The following KMT2C variants were observed in gnomAD, a reference collection of about 807,000 sequenced individuals.
KMT2C encodes the protein histone-lysine N-methyltransferase 2C.
In KMT2C, 88 loss-of-function variants were observed where a neutral mutation model predicts 507.9. The ratio of observed to expected loss-of-function variants is 0.17; its 90% CI spans 0.15 to 0.21. The LOEUF (loss-of-function observed/expected upper bound fraction) is 0.21, where lower values mean the gene tolerates loss of function less well. Ranked by LOEUF, KMT2C falls within the 10% of genes least tolerant of loss-of-function variation. The pLI is 1.00. For missense variants in KMT2C, 4,954 were observed against 5,957.8 expected (o/e 0.83, Z 5.55); for synonymous variants, 2,049 against 2,080.8 (o/e 0.98, Z 0.42).
chr7:152,233,491 A>T lies in KMT2C; in HGVS notation c.2769+2326T>A, dbSNP rs192890821. 8.6e-3 allele frequency among the ~76,000 whole-genome samples: 1,305 copies of T among 152,280 alleles called. 21 individuals are homozygous for T. Among genetic ancestry groups the T allele is most frequent in the African/African-American group, 0.03 (1,259 of 41,560 alleles). ...ATCAAATTAAACTCAAAGTGAGAAG[A>T]TAGGAAAAAATAAAGATGATAATAA... On this transcript the variant is annotated intron_variant, in intron 16 of 58. Coordinates refer to ENST00000262189, the MANE Select transcript of KMT2C (RefSeq NM_170606.3).
At chr7:152,160,188 T>C in intron 43 of KMT2C, among the ~76,000 whole-genome samples, 1 of 152,108 alleles carries the variant, frequency 6.6e-6, no homozygotes, top group Non-Finnish European at 1.5e-5. Flanking sequence ...CATTTAAAAA[T>C]GTAAAAGCCA....
chr7:152,148,105 G>C lies in KMT2C; in HGVS notation c.13822C>G (p.Arg4608Gly). The C allele has an allele frequency of 6.2e-7, 1 of 1,610,748 alleles. No individual in the cohort carries two copies. The highest frequency in any genetic ancestry group is 8.5e-7 in the Non-Finnish European group (1 of 1,177,258). Reference protein sequence around the residue: ...YLCSIEEKDGRPVFVIRIVEQ... With the variant: ...YLCSIEEKDGGPVFVIRIVEQ... Reference sequence around the variant, plus strand: ...ACAATCCTGATGACAAACACTGGGCGCCCATCCTTCTCCTCAATGGAGCAC... The same window carrying C: ...ACAATCCTGATGACAAACACTGGGCCCCCATCCTTCTCCTCAATGGAGCAC... The change falls in exon 52 of 59, where the codon CGC (arginine) becomes GGC (glycine). Residue 4608 changes from arginine to glycine, a missense_variant. Transcript: ENST00000262189. This position sits in a 1 kb window ranked among gnomAD's most constrained non-coding sequence, Gnocchi z 7.1.
chr7:152,200,485 T>G lies in KMT2C; in HGVS notation c.4093-1026A>C, dbSNP rs541157485. Among the ~76,000 whole-genome samples, 40 of 152,244 alleles carry G rather than the reference T, an allele frequency of 2.6e-4. 1 individual carries two copies. The East Asian group carries it at 5.6e-3, about 21-fold the overall frequency. On this transcript the variant is annotated intron_variant, in intron 26 of 58. Coordinates refer to ENST00000262189, the MANE Select transcript of KMT2C (RefSeq NM_170606.3). ...AGCTCACGCCTGTAATCCCAGCATT[T>G]TGGGAGGCCGAGGTAGGTGGTTCAC...
At position 152,155,991 on chromosome 7, in the gene KMT2C, C is replaced by A; in HGVS notation, c.11879G>T (p.Arg3960Leu). ...TGTCTTGGGGCCCTGAGCAAGAGCT[C>A]GGGCCAACAAGTCGTCCTGGGGTCT... ...PFRPQDDLLA[R>L]ALAQGPKTVD... Residue 3960 changes from arginine to leucine, a missense_variant, in exon 46 of 59, where the codon CGA (arginine) becomes CTA (leucine). By Grantham distance (102) the Arg-to-Leu change is moderately radical (BLOSUM62 -2). Coordinates refer to ENST00000262189, the MANE Select transcript of KMT2C (RefSeq NM_170606.3). The A allele has an allele frequency of 1.2e-6, 2 of 1,610,378 alleles. No homozygotes were observed. Among genetic ancestry groups the A allele is most frequent in the Non-Finnish European group, 1.7e-6 (2 of 1,179,190 alleles).
chr7:152,235,551 G>A (rs1431135830), intron 16 of KMT2C, among the ~76,000 whole-genome samples: 1 of 151,748 alleles, frequency 6.6e-6, no homozygotes, highest in Non-Finnish European at 1.5e-5. Context: ...TTAAATAAAA[G>A]AGCAACTATA....
At chr7:152,214,269 T>C (rs1030514858) in intron 23 of KMT2C, among the ~76,000 whole-genome samples, 13 of 152,110 alleles carry the variant, frequency 8.5e-5, no homozygotes, top group Admixed American at 2.6e-4. Flanking sequence ...TGCACTCCCA[T>C]ATTCATGGCG....
chr7:152,180,512 G>C (rs1271614363), intron 36 of KMT2C, among the ~76,000 whole-genome samples, 199 bp downstream of exon 36: 2 of 152,102 alleles, frequency 1.3e-5, no homozygotes, highest in African/African-American at 2.4e-5. Context: ...CTGCGAATTC[G>C]TGAAAACTGA....
At chr7:152,189,004 T>TAC (rs1563322014) in intron 31 of KMT2C, among the ~76,000 whole-genome samples, 1 of 152,192 alleles carries the variant, frequency 6.6e-6, no homozygotes, top group African/African-American at 2.4e-5. Flanking sequence ...TAAAAATACA[T>TAC]ACACTCTGGT....
At chr7:152,354,824 G>A (rs2097140014) in intron 2 of KMT2C, among the ~76,000 whole-genome samples, 1 of 152,154 alleles carries the variant, frequency 6.6e-6, no homozygotes, top group South Asian at 2.1e-4. Flanking sequence ...CAGATCAATG[G>A]AGCCTGAAAA....
At chr7:152,290,368 T>C (rs2129186129) in intron 6 of KMT2C, among the ~76,000 whole-genome samples, 1 of 132,678 alleles carries the variant, frequency 7.5e-6, no homozygotes, top group East Asian at 2.7e-4. Flanking sequence ...TGGAGTGCAG[T>C]GGCACAATCT....
chr7:152,275,208 A>T (rs1206453300), intron 6 of KMT2C, among the ~76,000 whole-genome samples: 1 of 152,196 alleles, frequency 6.6e-6, no homozygotes, highest in Non-Finnish European at 1.5e-5. Context: ...TAACAAAGCT[A>T]AGTGACTCCT....
At chr7:152,355,039 T>C (rs766279142) in intron 2 of KMT2C, among the ~76,000 whole-genome samples, 4 of 152,166 alleles carry the variant, frequency 2.6e-5, no homozygotes, top group African/African-American at 7.2e-5. Flanking sequence ...TAGTGTGAAG[T>C]TCTGGAATAA....
In KMT2C at chr7:152,144,684, C is replaced by A. The variant is rs765412318; in HGVS notation, c.14343+29G>T. On this transcript the variant is annotated intron_variant, in intron 55 of 58. Transcript: ENST00000262189. This position sits in a 1 kb window ranked among gnomAD's most constrained non-coding sequence, Gnocchi z 4.4. ...ATTGCTAGACTCCACCCTGTCTCTCCACTTCCTGTACACAAAGTATTTCTT... is the reference window on the plus strand; with the variant it reads ...ATTGCTAGACTCCACCCTGTCTCTCAACTTCCTGTACACAAAGTATTTCTT... 6.3e-7 allele frequency: 1 copy of A among 1,598,106 alleles called. No individual in the cohort carries two copies. Among genetic ancestry groups the A allele is most frequent in the Non-Finnish European group, 8.6e-7 (1 of 1,168,188 alleles).
chr7:152,368,382 G>A (rs1322999628), intron 1 of KMT2C: 1 of 1,097,694 alleles, frequency 9.1e-7, no homozygotes, highest in Non-Finnish European at 1.4e-6. Context: ...AAGAAAGAAG[G>A]GAGTATGCAG....
At chr7:152,307,252 CGGTA>C (rs1476808218) in intron 6 of KMT2C, among the ~76,000 whole-genome samples, 3 of 51,224 alleles carry the variant, frequency 5.9e-5, no homozygotes, top group Admixed American at 2.2e-4. Flanking sequence ...GAAGGAAGGA[CGGTA>C]GGAAGGAAGG....
In KMT2C at chr7:152,177,274, C is replaced by A. The variant is rs2129114530; in HGVS notation, c.8179G>T (p.Gly2727Cys). 1 of 1,613,930 alleles carries A rather than the reference C, an allele frequency of 6.2e-7. No individual in the cohort carries two copies. The highest frequency in any genetic ancestry group is 1.1e-5 in the South Asian group (1 of 91,056). Reference sequence around the variant, plus strand: ...AAAGTATCCAATTCAACTACCTTGCCATCCTCTGTATCTAAATTTAAGTTT... The same window carrying A: ...AAAGTATCCAATTCAACTACCTTGCAATCCTCTGTATCTAAATTTAAGTTT... Reference protein sequence around the residue: ...LENLNLDTEDGKVVELDTLDN... With the variant: ...LENLNLDTEDCKVVELDTLDN... The change falls in exon 38 of 59, where the codon GGC becomes TGC. Residue 2727 changes from glycine to cysteine, a missense_variant. Physicochemically the swap from Gly to Cys is radical, Grantham distance 159. Coordinates refer to ENST00000262189, the MANE Select transcript of KMT2C (RefSeq NM_170606.3).
Position 152,177,729 on chromosome 7 carries a change from C to A in KMT2C, c.7724G>T (p.Ser2575Ile), listed in dbSNP as rs778238891. 1.2e-6 allele frequency: 2 copies of A among 1,614,086 alleles called. No individual in the cohort carries two copies. The highest frequency in any genetic ancestry group is 1.7e-6 in the Non-Finnish European group (2 of 1,180,022). Residue 2575 changes from serine (S) to isoleucine (I), a missense_variant, in exon 38 of 59, where the codon AGT (serine) becomes ATT (isoleucine). Physicochemically the swap from Ser to Ile is moderately radical, Grantham distance 142 (BLOSUM62 -2). Around this residue, in one of 29 missense-constraint regions of KMT2C, gnomAD observed 1,689 missense variants for 1,654.3 expected, o/e 1.02. Transcript: ENST00000262189. ...APDGRQRLPF[S>I]APPGSVVEAS... ...CTCTACAACGCTGCCAGGTGGAGCA[C>A]TGAAAGGCAGCCGTTGCCTTCCGTC...
intron 2 of KMT2C, among the ~76,000 whole-genome samples, chr7:152,338,687 T>C (rs192898739): frequency 5.4e-4 from 82 of 152,264 alleles, no homozygotes; most frequent in Admixed American, 5.3e-3. Context: ...ACAAAGCTAA[T>C]AGGAAACAAA....
chr7:152,136,566 AGAAAAG>A lies in KMT2C; in HGVS notation c.*260_*265del, dbSNP rs2089893668. The stretch of plus-strand genomic sequence containing the variant: ...AAAACAAAAAACAAACAAAAAAAAA[AGAAAAG>A]GAAAAGAAAAAAAAGCAAAAGTGCT... On this transcript the variant is annotated 3_prime_UTR_variant, in exon 59 of 59. Transcript: ENST00000262189. The A allele has an allele frequency of 2.7e-6, 1 of 375,140 alleles. No individual in the cohort carries two copies. The highest frequency in any genetic ancestry group is 4.8e-6 in the Non-Finnish European group (1 of 208,174). 23.2% of individuals were successfully genotyped at this position (375,140 alleles called of 1,614,324 possible).
Sources: gnomAD v4.1 joint callset for allele counts (sites outside exome capture counted in the v4.1 genomes callset) on GRCh38, gnomAD v4.1.1 for gene constraint, gnomAD v4.1.1 regional missense constraint, Gnocchi (gnomAD v3.1) non-coding constraint, MANE v1.5 for transcripts, NCBI Gene and HGNC (gene_info 2026-07-23, HGNC 2026-07-21) for gene names.